Variants in DNAJC1 observed in about 807,000 individuals in gnomAD.
DNAJC1 encodes DnaJ heat shock protein family (Hsp40) member C1.
Under a neutral mutation model 76.6 loss-of-function variants are expected in DNAJC1, and 58 were observed. The observed-to-expected ratio is 0.76, with a 90% confidence interval of 0.61 to 0.94. The LOEUF is 0.94. Ranked by LOEUF, DNAJC1 falls within the 40% of genes least tolerant of loss-of-function variation. The pLI is 0.00. For missense variants in DNAJC1, 689 were observed against 677.3 expected (o/e 1.02, Z -0.19); for synonymous variants, 258 against 267.9 (o/e 0.96, Z 0.36).
intron 9 of DNAJC1, among the ~76,000 whole-genome samples, chr10:21,781,939 G>C (rs2131628360): frequency 6.6e-6 from 1 of 152,138 alleles, no homozygotes; most frequent in Non-Finnish European, 1.5e-5. Flanking sequence ...GCCCACCAGA[G>C]AAAGCAGGAA....
chr10:21,831,953 A>T (rs1280195618), intron 8 of DNAJC1, among the ~76,000 whole-genome samples: 3 of 152,264 alleles, frequency 2.0e-5, no homozygotes, highest in East Asian at 3.9e-4. Context: ...TATATATATA[A>T]AACTTAGGTG....
intron 8 of DNAJC1, among the ~76,000 whole-genome samples, chr10:21,813,072 T>TATATATACATATATACAC (rs1834997517): frequency 8.6e-6 from 1 of 116,658 alleles, no homozygotes; most frequent in Non-Finnish European, 1.7e-5. Flanking sequence ...CATATATACA[T>TATATATACATATATACAC]ATATATACAT....
At chr10:21,835,628 T>G (rs1018688508) in intron 8 of DNAJC1, among the ~76,000 whole-genome samples, 1 of 152,104 alleles carries the variant, frequency 6.6e-6, no homozygotes, top group Non-Finnish European at 1.5e-5. Context: ...GTGAAGTCCT[T>G]AAAGGACCTG....
At chr10:21,894,432 A>T (rs1836506614) in intron 7 of DNAJC1, among the ~76,000 whole-genome samples, 1 of 152,168 alleles carries the variant, frequency 6.6e-6, no homozygotes, top group Non-Finnish European at 1.5e-5. Flanking sequence ...TTAGCCAGGT[A>T]TGGTGGCAGG....
At chr10:21,852,728 A>C (rs1270072400) in intron 8 of DNAJC1, among the ~76,000 whole-genome samples, 1 of 151,936 alleles carries the variant, frequency 6.6e-6, no homozygotes, top group Non-Finnish European at 1.5e-5. Flanking sequence ...CTCAATAAAT[A>C]TTTATTGATT....
At chr10:21,952,631 C>T (rs980833145) in intron 1 of DNAJC1, among the ~76,000 whole-genome samples, 3 of 152,140 alleles carry the variant, frequency 2.0e-5, no homozygotes, top group Non-Finnish European at 2.9e-5. Flanking sequence ...TAGTGGCGTG[C>T]GCCTGTAATT....
rs377700151 is a variant in DNAJC1 at position 21,825,408 on chromosome 10, T to A, written c.979-19309A>T. On this transcript the variant is annotated intron_variant, in intron 8 of 11. Coordinates refer to ENST00000376980, the MANE Select transcript of DNAJC1 (RefSeq NM_022365.4). ...AATGAATAACGTTCCGTTGTATGTA[T>A]ATAGCATAGTTAGTCAATCTAGTGA... Among the ~76,000 whole-genome samples the A allele has an allele frequency of 2.4e-4, 37 of 152,334 alleles. 1 individual carries two copies. In the South Asian group the frequency reaches 6.6e-3, roughly 27 times the overall value.
intron 1 of DNAJC1, among the ~76,000 whole-genome samples, chr10:21,982,022 CA>C (rs1838166712): frequency 6.6e-6 from 1 of 152,192 alleles, no homozygotes; most frequent in African/African-American, 2.4e-5. Context: ...AAATTGGTTT[CA>C]CCAGAGACCC....
intron 8 of DNAJC1, among the ~76,000 whole-genome samples, chr10:21,832,973 T>C (rs1326973520): frequency 6.6e-6 from 1 of 152,240 alleles, no homozygotes; most frequent in Non-Finnish European, 1.5e-5. Flanking sequence ...CAAGAGTGAT[T>C]TATTCCTTAG....
intron 8 of DNAJC1, chr10:21,865,539 G>C (rs1229663123): frequency 6.6e-6 from 1 of 152,060 alleles, no homozygotes; most frequent in Non-Finnish European, 1.5e-5. Context: ...ATAGAAAGCA[G>C]ATCACTGGTT....
At chr10:21,997,267 G>A (rs1276087249) in intron 1 of DNAJC1, among the ~76,000 whole-genome samples, 1 of 152,160 alleles carries the variant, frequency 6.6e-6, no homozygotes, top group Non-Finnish European at 1.5e-5. Context: ...CCAAAAAACT[G>A]AGTGGACACA....
At chr10:21,797,695 A>G (rs1834764724) in intron 9 of DNAJC1, among the ~76,000 whole-genome samples, 1 of 152,062 alleles carries the variant, frequency 6.6e-6, no homozygotes, top group African/African-American at 2.4e-5. Context: ...TGAGTTCCTG[A>G]TAAAAGGATG....
At chr10:21,999,783 G>A (rs1838487896) in intron 1 of DNAJC1, among the ~76,000 whole-genome samples, 1 of 152,054 alleles carries the variant, frequency 6.6e-6, no homozygotes, top group South Asian at 2.1e-4. Context: ...AATCCCCAAG[G>A]CTTATTAGCT....
chr10:21,885,817 C>A (rs1836359079), intron 7 of DNAJC1, among the ~76,000 whole-genome samples: 1 of 152,140 alleles, frequency 6.6e-6, no homozygotes, highest in South Asian at 2.1e-4. Context: ...ACCAGAATAT[C>A]TGGGACACAG....
intron 11 of DNAJC1, among the ~76,000 whole-genome samples, chr10:21,757,032 T>A (rs1457974656): frequency 1.3e-5 from 2 of 152,172 alleles, no homozygotes; most frequent in Non-Finnish European, 2.9e-5. Flanking sequence ...CATAATCGGG[T>A]CTTTCAGCCT....
At chr10:21,826,285 A>G (rs1835252597) in intron 8 of DNAJC1, among the ~76,000 whole-genome samples, 1 of 151,112 alleles carries the variant, frequency 6.6e-6, no homozygotes, top group African/African-American at 2.4e-5. Context: ...ACATATGCAA[A>G]TATTTTCTCC....
intron 1 of DNAJC1, among the ~76,000 whole-genome samples, chr10:21,998,194 C>T (rs559520091): frequency 5.9e-5 from 9 of 152,034 alleles, no homozygotes; most frequent in Admixed American, 1.3e-4. Flanking sequence ...AGTGCAAGAT[C>T]GGCCTGACCA....
chr10:21,929,111 AT>A lies in DNAJC1; in HGVS notation c.252del (p.Tyr85IlefsTer6). 1 of 1,612,516 alleles carries A rather than the reference AT, an allele frequency of 6.2e-7. No individual in the cohort carries two copies. Among genetic ancestry groups the A allele is most frequent in the Non-Finnish European group, 8.5e-7 (1 of 1,179,646 alleles). Reference protein sequence around the residue: ...QDASSADIRKAYRKLSLTLHP... With the variant: ...QDASSADIRKXYRKLSLTLHP... ...TGTAAAGTTAGTGAAAGCTTACGAT[AT>A]GCTTTTCTGATGTCTGCAGATGATG... On this transcript the variant is annotated frameshift_variant, in exon 2 of 12. Transcript: ENST00000376980. LOFTEE classifies it high-confidence loss of function.
intron 8 of DNAJC1, among the ~76,000 whole-genome samples, chr10:21,814,819 G>A (rs946774254): frequency 1.3e-5 from 2 of 152,166 alleles, no homozygotes; most frequent in African/African-American, 2.4e-5. Flanking sequence ...TGGAACAAAA[G>A]TAACCTCACA....
Sources: gnomAD v4.1 joint callset for allele counts (sites outside exome capture counted in the v4.1 genomes callset) on GRCh38, gnomAD v4.1.1 for gene constraint, MANE v1.5 for transcripts, NCBI Gene and HGNC (gene_info 2026-07-23, HGNC 2026-07-21) for gene names.